GDPD1: variants seen among roughly 807,000 people sequenced by gnomAD.
GDPD1 encodes glycerophosphodiester phosphodiesterase domain containing 1.
In GDPD1, 28 loss-of-function variants were observed where a neutral mutation model predicts 45.1. The observed-to-expected ratio is 0.62, with a 90% confidence interval of 0.46 to 0.85. The LOEUF is 0.85. Among genes scored for constraint, GDPD1 ranks in the 40% least tolerant of loss-of-function variants. GDPD1 has a pLI of 0.00. For missense variants in GDPD1, 256 were observed against 364.8 expected, an observed-to-expected ratio of 0.70 and a Z score of 2.43; for synonymous variants, 139 against 131.4, an observed-to-expected ratio of 1.06 and a Z score of -0.40.
At chr17:59,245,383 G>A (rs1160765020) in intron 2 of GDPD1, 31 bp from the exon 3 acceptor site, 7 of 1,590,386 alleles carry the variant, frequency 4.4e-6, no homozygotes, top group East Asian at 2.2e-5. Flanking sequence ...ATACTTAAGT[G>A]TCAGATGTCA....
intron 6 of GDPD1, among the ~76,000 whole-genome samples, chr17:59,263,242 G>A (rs147514555): frequency 3.1e-4 from 47 of 152,010 alleles, no homozygotes; most frequent in African/African-American, 1.1e-3. Flanking sequence ...GTATTGCCCA[G>A]GCTGGTCTCA....
intron 2 of GDPD1, among the ~76,000 whole-genome samples, chr17:59,244,919 C>T (rs1366611489): frequency 2.0e-5 from 3 of 152,170 alleles, no homozygotes; most frequent in Non-Finnish European, 1.5e-5. Context: ...TCACTTGAGC[C>T]CAGGAGTTTG....
intron 6 of GDPD1, among the ~76,000 whole-genome samples, chr17:59,258,868 T>A (rs1042139774): frequency 2.6e-5 from 4 of 152,138 alleles, no homozygotes; most frequent in African/African-American, 7.2e-5. Flanking sequence ...ATGCCTGTAA[T>A]CCTAGCACTT....
intron 4 of GDPD1, among the ~76,000 whole-genome samples, chr17:59,255,394 AGT>A (rs969150410): frequency 6.6e-6 from 1 of 151,688 alleles, no homozygotes; most frequent in African/African-American, 2.4e-5. Context: ...TGAGATCAGA[AGT>A]TCAAGACCAG....
intron 6 of GDPD1, among the ~76,000 whole-genome samples, chr17:59,261,913 C>CTTTGTTT (rs2047358654): frequency 1.3e-5 from 1 of 79,350 alleles, no homozygotes; most frequent in African/African-American, 6.4e-5. Context: ...AGATTACAGG[C>CTTTGTTT]TTTTTTTTTT....
chr17:59,238,042 G>GAGTT (rs2047147002), intron 2 of GDPD1, among the ~76,000 whole-genome samples: 1 of 151,346 alleles, frequency 6.6e-6, no homozygotes, highest in Non-Finnish European at 1.5e-5. Flanking sequence ...GCCGAGGCGG[G>GAGTT]TGGATCACCT....
chr17:59,263,719 A>G (rs1447751055), intron 6 of GDPD1, among the ~76,000 whole-genome samples: 1 of 151,872 alleles, frequency 6.6e-6, no homozygotes, highest in Non-Finnish European at 1.5e-5. Context: ...ACCTCAGGTG[A>G]TCCACCTGCC....
At chr17:59,256,090 G>T (rs1344559505) in intron 4 of GDPD1, among the ~76,000 whole-genome samples, 1 of 151,308 alleles carries the variant, frequency 6.6e-6, no homozygotes, top group Non-Finnish European at 1.5e-5. Flanking sequence ...AGGCCGAGGC[G>T]GGCAGATCAC....
chr17:59,240,216 G>A (rs750014262), intron 2 of GDPD1, among the ~76,000 whole-genome samples: 5 of 151,960 alleles, frequency 3.3e-5, no homozygotes, highest in Non-Finnish European at 7.4e-5. Context: ...GCTTGAACCT[G>A]GAGAGCGGAA....
chr17:59,229,568 G>C (rs1291134082), intron 1 of GDPD1, among the ~76,000 whole-genome samples: 1 of 151,522 alleles, frequency 6.6e-6, no homozygotes, highest in African/African-American at 2.4e-5. Flanking sequence ...CACCATGTTG[G>C]CTAGGTGGGT....
In GDPD1 at chr17:59,237,857, A is replaced by T. The variant is rs898725710; in HGVS notation, c.185+3323A>T. ...GGCCAAGGCAGGCGGATCACTTGAG[A>T]TGAGGAGTTCGAGACCAGCTTGGCG... On this transcript the variant is annotated intron_variant, in intron 2 of 9. Transcript: ENST00000284116. 2.7e-5 allele frequency among the ~76,000 whole-genome samples: 4 copies of T among 150,272 alleles called. 1 individual carries two copies. In the South Asian group the frequency reaches 8.6e-4, roughly 32 times the overall value.
intron 1 of GDPD1, among the ~76,000 whole-genome samples, chr17:59,228,711 T>C (rs1033285954): frequency 3.3e-5 from 5 of 150,834 alleles, no homozygotes; most frequent in African/African-American, 1.2e-4. Flanking sequence ...AGTAAGACCC[T>C]GTCTCTAAAA....
chr17:59,251,600 A>C (rs757577934), intron 4 of GDPD1, among the ~76,000 whole-genome samples: 1 of 152,212 alleles, frequency 6.6e-6, no homozygotes, highest in Non-Finnish European at 1.5e-5. Flanking sequence ...GAAAGAAATA[A>C]TAATAAGCTT....
Position 59,253,471 on chromosome 17 carries a change from T to C in GDPD1, c.368-3651T>C, listed in dbSNP as rs149823995. Among the ~76,000 whole-genome samples, 134 of 152,278 alleles carry C rather than the reference T, an allele frequency of 8.8e-4. 1 individual carries two copies. Among genetic ancestry groups the C allele is most frequent in the African/African-American group, 3.0e-3 (126 of 41,570 alleles). On this transcript the variant is annotated intron_variant, in intron 4 of 9. Coordinates refer to ENST00000284116, the MANE Select transcript of GDPD1 (RefSeq NM_182569.4). ...TTCCCACCTCAGCCTTCCAAAGTGC[T>C]GAGATTACAGGAGTGAGCCACTGCA...
At chr17:59,241,842 C>A (rs8065789) in intron 2 of GDPD1, among the ~76,000 whole-genome samples, 41,838 of 151,634 alleles carry the variant, frequency 0.28, 6,488 homozygotes, top group African/African-American at 0.42. Flanking sequence ...ACAGAAGAAT[C>A]GCTTGAACCT....
chr17:59,233,525 A>AG (rs2047108210), intron 1 of GDPD1, among the ~76,000 whole-genome samples: 1 of 135,008 alleles, frequency 7.4e-6, no homozygotes, highest in Admixed American at 8.3e-5. Context: ...AAAAAAAAAA[A>AG]AAAAGAAAGA....
At chr17:59,267,986 G>A (rs1258215160) in intron 7 of GDPD1, among the ~76,000 whole-genome samples, 1 of 151,904 alleles carries the variant, frequency 6.6e-6, no homozygotes, top group Non-Finnish European at 1.5e-5. Flanking sequence ...TTATATTTAC[G>A]TAATTCCACT....
chr17:59,271,144 A>G (rs1344018994), intron 8 of GDPD1, 149 bp downstream of exon 8: 1 of 531,422 alleles, frequency 1.9e-6, no homozygotes, highest in Non-Finnish European at 3.4e-6. Context: ...TGAATCATTT[A>G]GAAATATCTT....
chr17:59,259,830 C>T (rs1351308363), intron 6 of GDPD1, among the ~76,000 whole-genome samples: 1 of 150,312 alleles, frequency 6.7e-6, no homozygotes, highest in Non-Finnish European at 1.5e-5. Context: ...GAGGCCAAGG[C>T]GGACAGATCA....
Sources: gnomAD v4.1 joint callset for allele counts (sites outside exome capture counted in the v4.1 genomes callset) on GRCh38, gnomAD v4.1.1 for gene constraint, MANE v1.5 for transcripts, NCBI Gene and HGNC (gene_info 2026-07-23, HGNC 2026-07-21) for gene names.